The following NEFH variants were observed in gnomAD, a reference collection of about 807,000 sequenced individuals.
NEFH encodes neurofilament heavy chain.
Under a neutral mutation model 56.6 loss-of-function variants are expected in NEFH, and 58 were observed. The observed-to-expected ratio is 1.03, with a 90% CI of 0.83 to 1.28. NEFH has a LOEUF of 1.28. Among genes scored for constraint, NEFH ranks in the 50% most tolerant of loss-of-function variants. The probability of loss-of-function intolerance (pLI) is 0.00; values close to 1 mark genes in which losing one functional copy is unlikely to be tolerated. For synonymous variants in NEFH, 542 were observed against 545.8 expected (o/e 0.99, Z 0.10); for missense variants, 1,221 against 1,307.6 (o/e 0.93, Z 1.02).
chr22:29,490,583 C>T lies in NEFH; in HGVS notation c.2943C>T (p.Thr981=), dbSNP rs756735207. 3.4e-5 allele frequency: 55 copies of T among 1,613,696 alleles called. 1 individual carries two copies. The South Asian group carries it at 5.1e-4, about 15-fold the overall frequency. ...CCAAAGCCAAGGAAGATGACAAGAC[C>T]CTCTCAAAAGAGCCTAGCAAGCCTA... ...TEAKAKEDDK[T]LSKEPSKPKA... The change falls in exon 4 of 4, where the codon ACC becomes ACT. Residue 981 remains threonine (T), a synonymous_variant. Transcript: ENST00000310624.
At chr22:29,486,761 G>T (rs2063047124) in intron 3 of NEFH, among the ~76,000 whole-genome samples, 1 of 151,852 alleles carries the variant, frequency 6.6e-6, no homozygotes, top group African/African-American at 2.4e-5. Context: ...GACCTCAGGT[G>T]ATCCGCCTAC....
chr22:29,485,632 T>A, intron 2 of NEFH, 91 bp from the exon 3 acceptor site: 1 of 1,513,198 alleles, frequency 6.6e-7, no homozygotes. Flanking sequence ...TGGATGGGCC[T>A]GCTCTGGGGT....
rs967555019 is a variant in NEFH at position 29,491,295 on chromosome 22, G to A, written c.*592G>A. 3.0e-5 allele frequency: 6 copies of A among 197,692 alleles called. No individual in the cohort carries two copies. In the Admixed American group the frequency reaches 3.2e-4, roughly 11 times the overall value. The allele number at this position is 197,692 out of a possible 1,614,324, so 12.2% of individuals were successfully genotyped here. A position where few individuals can be genotyped will look rare whatever the true frequency, so the allele number is the denominator to read the frequency against. ...CAAGTGCTTATAAAATGAAAATGTTGCTGCTGTTATTCTCTTTCCCTGGGA... is the reference window on the plus strand; with the variant it reads ...CAAGTGCTTATAAAATGAAAATGTTACTGCTGTTATTCTCTTTCCCTGGGA... On this transcript the variant is annotated 3_prime_UTR_variant, in exon 4 of 4. Transcript: ENST00000310624.
At chr22:29,485,637 TG>T in intron 2 of NEFH, 85 bp from the exon 3 acceptor site, 1 of 1,529,920 alleles carries the variant, frequency 6.5e-7, no homozygotes. Flanking sequence ...GGGCCTGCTC[TG>T]GGGTCGCACA....
rs2063005538 is a variant in NEFH, at chr22:29,481,110, T to C, written c.848T>C (p.Val283Ala). ...EIRAQLEGHA[V>A]QSTLQSEEWF... ...CGCGCGCAGCTTGAAGGCCACGCGG[T>C]GCAGAGCACGCTGCAGTCCGAGGAG... is the stretch of plus-strand genomic sequence containing the variant. Residue 283 changes from valine to alanine, a missense_variant, in exon 1 of 4, where the codon GTG (valine) becomes GCG (alanine). Coordinates refer to ENST00000310624, the MANE Select transcript of NEFH (RefSeq NM_021076.4). 2 of 1,527,786 alleles carry C rather than the reference T, an allele frequency of 1.3e-6. No homozygotes were observed. Among genetic ancestry groups the C allele is most frequent in the Non-Finnish European group, 1.7e-6 (2 of 1,144,748 alleles). 94.6% of individuals were successfully genotyped at this position (1,527,786 alleles called of 1,614,324 possible).
rs865893652 is a variant in NEFH, at chr22:29,480,689, G to A, written c.427G>A (p.Gly143Ser). The change falls in exon 1 of 4, where the codon GGC (glycine) becomes AGC (serine). Residue 143 changes from glycine (G) to serine (S), a missense_variant. Coordinates refer to ENST00000310624, the MANE Select transcript of NEFH (RefSeq NM_021076.4). ...GCAGCAGGCGGGCCGCTCCGCTATG[G>A]GCGAGCTGTACGAGCGCGAGGTCCG... The part of the protein sequence containing the change: ...RQQQAGRSAM[G>S]ELYEREVREM... 2 of 1,541,220 alleles carry A rather than the reference G, an allele frequency of 1.3e-6. No homozygotes were observed. The highest frequency in any genetic ancestry group is 2.4e-5 in the South Asian group (2 of 84,524).
intron 1 of NEFH, 90 bp downstream of exon 1, chr22:29,481,235 C>A: frequency 7.6e-7 from 1 of 1,316,554 alleles, no homozygotes; most frequent in Non-Finnish European, 1.0e-6. Context: ...CGCTGCCGGA[C>A]TGCGCGTGGA....
intron 1 of NEFH, among the ~76,000 whole-genome samples, 191 bp downstream of exon 1, chr22:29,481,336 T>A (rs765735206): frequency 6.6e-6 from 1 of 152,180 alleles, no homozygotes; most frequent in African/African-American, 2.4e-5. Flanking sequence ...GCCCCAACTC[T>A]GGGTTGTCCT....
At chr22:29,481,298 C>T (rs2063008102) in intron 1 of NEFH, among the ~76,000 whole-genome samples, 153 bp downstream of exon 1, 1 of 152,184 alleles carries the variant, frequency 6.6e-6, no homozygotes, top group Non-Finnish European at 1.5e-5. Context: ...AGTTAAATCG[C>T]AGTTTTACTC....
At chr22:29,481,266 C>T in intron 1 of NEFH, 121 bp downstream of exon 1, 2 of 1,013,624 alleles carry the variant, frequency 2.0e-6, no homozygotes, top group Admixed American at 2.3e-5. Context: ...GCTCACCTTC[C>T]CTCTGCAAAG....
chr22:29,482,669 AAAC>A (rs1338765360), intron 1 of NEFH, among the ~76,000 whole-genome samples: 1 of 152,200 alleles, frequency 6.6e-6, no homozygotes, highest in Non-Finnish European at 1.5e-5. Flanking sequence ...GTTCAGCCAC[AAAC>A]CTGCAGCCTC....
chr22:29,481,162 G>A lies in NEFH; in HGVS notation c.883+17G>A. ...GGTTCCGAGGTACGCAGGCGCGCGG[G>A]TGGGGGGAGGGGCGCCCCTGCTGAC... On this transcript the variant is annotated intron_variant, in intron 1 of 3. Transcript: ENST00000310624. The A allele has an allele frequency of 6.5e-7, 1 of 1,528,130 alleles. No homozygotes were observed. The highest frequency in any genetic ancestry group is 8.8e-7 in the Non-Finnish European group (1 of 1,142,418). 94.7% of individuals were successfully genotyped at this position (1,528,130 alleles called of 1,614,324 possible).
chr22:29,484,479 A>G (rs1352932638), intron 2 of NEFH, among the ~76,000 whole-genome samples: 20 of 151,998 alleles, frequency 1.3e-4, no homozygotes, highest in Admixed American at 1.3e-3. Context: ...GTCTCTACTA[A>G]AAAGATACAA....
At chr22:29,485,899 G>C (rs780915115) in intron 3 of NEFH, 52 bp downstream of exon 3, 2 of 1,609,508 alleles carry the variant, frequency 1.2e-6, no homozygotes, top group East Asian at 2.2e-5. Flanking sequence ...GTTCCTGCGA[G>C]ACGCTAAGCC....
Position 29,490,997 on chromosome 22 carries a change from G to GC in NEFH, c.*300dup, listed in dbSNP as rs1198904380. On this transcript the variant is annotated 3_prime_UTR_variant, in exon 4 of 4. Coordinates refer to ENST00000310624, the MANE Select transcript of NEFH (RefSeq NM_021076.4). ...ACGTAAACACTTGACTATAAAAACT[G>GC]CCCCCCTCCTTTCCAAATAAGTGCA... 6.0e-6 allele frequency: 3 copies of GC among 499,342 alleles called. No homozygotes were observed. The highest frequency in any genetic ancestry group is 2.1e-5 in the South Asian group (1 of 48,276). The allele number at this position is 499,342 out of a possible 1,614,324, so 30.9% of individuals were successfully genotyped here.
At chr22:29,484,622 G>GGCGACAGA (rs879471864) in intron 2 of NEFH, among the ~76,000 whole-genome samples, 1 of 152,044 alleles carries the variant, frequency 6.6e-6, no homozygotes, top group Non-Finnish European at 1.5e-5. Flanking sequence ...ACCCAGCCTG[G>GGCGACAGA]GCGACAGAGC....
Position 29,480,753 on chromosome 22 carries a change from G to T in NEFH, c.491G>T (p.Arg164Leu), listed in dbSNP as rs1375751197. 2.1e-6 allele frequency: 3 copies of T among 1,449,028 alleles called. No homozygotes were observed. The highest frequency in any genetic ancestry group is 5.7e-5 in the Admixed American group (2 of 35,144). 89.8% of individuals were successfully genotyped at this position (1,449,028 alleles called of 1,614,324 possible). Residue 164 changes from arginine (R) to leucine (L), a missense_variant, in exon 1 of 4, where the codon CGC becomes CTC. Coordinates refer to ENST00000310624, the MANE Select transcript of NEFH (RefSeq NM_021076.4). ...RGAVLRLGAA[R>L]GQLRLEQEHL... is the part of the protein sequence containing the mutation. Reference sequence around the variant, plus strand: ...GCGGTGCTGCGCCTGGGCGCGGCGCGCGGTCAGCTACGCCTGGAGCAGGAG... The same window carrying T: ...GCGGTGCTGCGCCTGGGCGCGGCGCTCGGTCAGCTACGCCTGGAGCAGGAG...
At chr22:29,481,174 G>GCCGCCC in intron 1 of NEFH, 29 bp downstream of exon 1, 2 of 1,056,282 alleles carry the variant, frequency 1.9e-6, no homozygotes, top group Non-Finnish European at 2.8e-6. Context: ...GGGGGGAGGG[G>GCCGCCC]CGCCCCTGCT....
chr22:29,485,677 G>T (rs750780165), intron 2 of NEFH, 46 bp from the exon 3 acceptor site: 2 of 1,601,422 alleles, frequency 1.2e-6, no homozygotes, highest in Non-Finnish European at 1.7e-6. Flanking sequence ...GGTACTGAGG[G>T]CCAGACACTG....
Sources: allele counts gnomAD v4.1 joint callset (sites outside exome capture counted in the v4.1 genomes callset), GRCh38; gene constraint gnomAD v4.1.1; transcripts MANE v1.5; gene names NCBI Gene and HGNC (gene_info 2026-07-23, HGNC 2026-07-21).